The following LNX1 variants were observed in gnomAD, a reference collection of about 807,000 sequenced individuals.
The protein encoded by LNX1 is E3 ubiquitin-protein ligase LNX.
A neutral mutation model predicts 68.4 loss-of-function variants in LNX1; 54 were observed. The observed-to-expected ratio is 0.79, with a 90% CI of 0.63 to 0.99. The LOEUF is 0.99. LNX1 is among the 50% of genes least tolerant of loss of function. The pLI is 0.00. For synonymous variants in LNX1, 336 were observed against 350.0 expected (o/e 0.96, Z 0.45); for missense variants, 906 against 926.4 (o/e 0.98, Z 0.29).
intron 2 of LNX1, among the ~76,000 whole-genome samples, chr4:53,613,038 T>C (rs1733552955): frequency 1.3e-5 from 2 of 151,120 alleles, no homozygotes; most frequent in Non-Finnish European, 2.9e-5. Flanking sequence ...TGCATGTGTA[T>C]GTCTACCTAC....
At chr4:53,619,584 A>G (rs771052911), upstream of LNX1, among the ~76,000 whole-genome samples, 8 of 152,180 alleles carry the variant, frequency 5.3e-5, no homozygotes, top group South Asian at 8.3e-4. Flanking sequence ...TTGTAAGGGT[A>G]TACAGCACAT....
At chr4:53,542,449 T>C (rs1728824528) in intron 2 of LNX1, among the ~76,000 whole-genome samples, 1 of 152,150 alleles carries the variant, frequency 6.6e-6, no homozygotes, top group Admixed American at 6.5e-5. Context: ...TAAGGGGGCA[T>C]TAAGCCCAGC....
chr4:53,522,442 G>T (rs1577656267), intron 2 of LNX1, among the ~76,000 whole-genome samples: 1 of 152,204 alleles, frequency 6.6e-6, no homozygotes, highest in East Asian at 1.9e-4. Flanking sequence ...ATCCAACACA[G>T]AAATAAAGCA....
chr4:53,518,059 T>C (rs1228738490), intron 2 of LNX1, among the ~76,000 whole-genome samples: 1 of 152,138 alleles, frequency 6.6e-6, no homozygotes, highest in Admixed American at 6.5e-5. Flanking sequence ...CACTTGTTAA[T>C]GAACACCAGA....
chr4:53,652,076 AG>A (rs892867507), intron 1 of LNX1: 2 of 150,634 alleles, frequency 1.3e-5, no homozygotes, highest in African/African-American at 4.9e-5. Flanking sequence ...AGAAAGAGAT[AG>A]GGGTGAGAGC....
At chr4:53,630,083 TAA>T (rs1734213239) in intron 1 of LNX1, among the ~76,000 whole-genome samples, 1 of 151,782 alleles carries the variant, frequency 6.6e-6, no homozygotes, top group African/African-American at 2.4e-5. Context: ...GTTTCTTCAT[TAA>T]AAAAAGGTGG....
Position 53,644,758 on chromosome 4 carries a change from C to G in LNX1, c.-215+7410G>C, listed in dbSNP as rs143693465. On this transcript the variant is annotated intron_variant, in intron 1 of 2. Transcript: ENST00000507168. ...TGGCCAGGCAGAGACTGGGAGGTTC[C>G]TGCTGGAGGGAGCTCAGAGTATATC... is the stretch of plus-strand genomic sequence containing the variant. Among the ~76,000 whole-genome samples, 4 of 152,302 alleles carry G rather than the reference C, an allele frequency of 2.6e-5. No homozygotes were observed. The East Asian group carries it at 7.7e-4, about 29-fold the overall frequency.
chr4:53,644,172 G>A (rs2109889046), intron 1 of LNX1, among the ~76,000 whole-genome samples: 1 of 152,250 alleles, frequency 6.6e-6, no homozygotes, highest in Non-Finnish European at 1.5e-5. Flanking sequence ...ATGGGGAGGT[G>A]AGTGAATCAC....
intron 1 of LNX1, among the ~76,000 whole-genome samples, chr4:53,590,069 G>A (rs1292443621): frequency 1.3e-5 from 2 of 152,168 alleles, no homozygotes; most frequent in Admixed American, 1.3e-4. Flanking sequence ...GACAAGTGGT[G>A]GCCAAACCCC....
At chr4:53,651,919 G>A (rs1377178679) in intron 1 of LNX1, among the ~76,000 whole-genome samples, 1 of 152,152 alleles carries the variant, frequency 6.6e-6, no homozygotes, top group Admixed American at 6.6e-5. Flanking sequence ...GAAAAAAATA[G>A]GGTATAAAGA....
At chr4:53,609,615 T>C (rs1210559274) in intron 2 of LNX1, among the ~76,000 whole-genome samples, 1 of 146,118 alleles carries the variant, frequency 6.8e-6, no homozygotes, top group African/African-American at 2.5e-5. Flanking sequence ...TTATACTATA[T>C]GTTATAAATA....
intron 2 of LNX1, among the ~76,000 whole-genome samples, chr4:53,596,709 C>T (rs547708481): frequency 1.5e-4 from 23 of 152,270 alleles, no homozygotes; most frequent in Admixed American, 3.3e-4. Flanking sequence ...AATGTCTCTT[C>T]TCCTTGTTAA....
intron 2 of LNX1, among the ~76,000 whole-genome samples, chr4:53,610,621 T>C (rs1733440856): frequency 1.4e-5 from 2 of 147,044 alleles, no homozygotes; most frequent in Admixed American, 1.4e-4. Context: ...GGCAGGAGAA[T>C]GGCGTGAACC....
upstream of LNX1, among the ~76,000 whole-genome samples, chr4:53,592,234 T>C (rs1417714359): frequency 1.3e-5 from 2 of 152,114 alleles, no homozygotes; most frequent in Non-Finnish European, 1.5e-5. Flanking sequence ...TGATTCAGAT[T>C]GGAATGGTAG....
intron 4 of LNX1, among the ~76,000 whole-genome samples, chr4:53,499,517 C>G (rs749250997): frequency 6.6e-6 from 1 of 152,202 alleles, no homozygotes; most frequent in African/African-American, 2.4e-5. Flanking sequence ...CATAAACTCT[C>G]GCTGTTCCAT....
intron 2 of LNX1, among the ~76,000 whole-genome samples, chr4:53,542,554 A>G (rs1301632533): frequency 1.3e-5 from 2 of 152,232 alleles, no homozygotes; most frequent in African/African-American, 4.8e-5. Context: ...GTGTCACAAA[A>G]TTTATGGATG....
chr4:53,608,052 G>A (rs1426434489), intron 2 of LNX1, among the ~76,000 whole-genome samples: 10 of 152,008 alleles, frequency 6.6e-5, no homozygotes, highest in Admixed American at 2.0e-4. Context: ...TGGACACAGG[G>A]TATGGCAAAG....
chr4:53,546,882 A>C (rs951492924), intron 2 of LNX1, among the ~76,000 whole-genome samples: 1 of 152,188 alleles, frequency 6.6e-6, no homozygotes, highest in African/African-American at 2.4e-5. Context: ...CCACTTGTGG[A>C]GGCAGAGCTG....
chr4:53,575,955 G>T (rs1380984938), intron 1 of LNX1: 25 of 1,565,056 alleles, frequency 1.6e-5, no homozygotes, highest in Non-Finnish European at 2.0e-5. Flanking sequence ...CGCAGGAGTG[G>T]CTGGGTGCCC....
Sources: gnomAD v4.1 joint callset for allele counts (sites outside exome capture counted in the v4.1 genomes callset) on GRCh38, gnomAD v4.1.1 for gene constraint, MANE v1.5 for transcripts, NCBI Gene and HGNC (gene_info 2026-07-23, HGNC 2026-07-21) for gene names.